ZEB2: variants seen among roughly 807,000 people sequenced by gnomAD.
ZEB2 encodes zinc finger E-box-binding homeobox 2.
Under a neutral mutation model 99.9 loss-of-function variants are expected in ZEB2, and 6 were observed. The observed-to-expected ratio is 0.06, with a 90% CI of 0.03 to 0.12. ZEB2 has a LOEUF of 0.12. ZEB2 is among the 10% of genes least tolerant of loss of function. ZEB2 has a pLI of 1.00. For synonymous variants in ZEB2, 517 were observed against 542.5 expected (o/e 0.95, Z 0.65); for missense variants, 969 against 1,502.8 (o/e 0.64, Z 5.87).
At chr2:144,440,536 T>A (rs1470079876) in intron 2 of ZEB2, among the ~76,000 whole-genome samples, 26 of 131,756 alleles carry the variant, frequency 2.0e-4, no homozygotes, top group African/African-American at 7.8e-4. Flanking sequence ...TTTTTTTTTT[T>A]TTTTTTAACT....
intron 2 of ZEB2, among the ~76,000 whole-genome samples, chr2:144,483,150 A>ACACACACACACACACACACATGCG (rs1553968387): frequency 2.7e-5 from 4 of 149,654 alleles, no homozygotes; most frequent in East Asian, 2.0e-4. Flanking sequence ...ACACACACAC[A>ACACACACACACACACACACATGCG]CACACACACA....
chr2:144,469,050 T>C (rs543933071), intron 2 of ZEB2, among the ~76,000 whole-genome samples: 1 of 152,256 alleles, frequency 6.6e-6, no homozygotes, highest in East Asian at 1.9e-4. Flanking sequence ...CACTAATCTG[T>C]AAGGCTCTGT....
chr2:144,432,537 C>T lies in ZEB2; in HGVS notation c.74-2511G>A, dbSNP rs78260413. Reference sequence around the variant, plus strand: ...CATCTGACAATCAAAATTAAATGCACTGAGATGGACTTTGCACTTCCTGAT... The same window carrying T: ...CATCTGACAATCAAAATTAAATGCATTGAGATGGACTTTGCACTTCCTGAT... On this transcript the variant is annotated intron_variant, in intron 2 of 9. Coordinates refer to ENST00000627532, the MANE Select transcript of ZEB2 (RefSeq NM_014795.4). Among the ~76,000 whole-genome samples the T allele has an allele frequency of 7.9e-3, 1,198 of 152,224 alleles. 15 individuals carry two copies. The highest frequency in any genetic ancestry group is 0.027 in the African/African-American group (1,121 of 41,548).
At chr2:144,405,460 A>G in intron 4 of ZEB2, 1 of 216,426 alleles carries the variant, frequency 4.6e-6, no homozygotes, top group Admixed American at 5.4e-5. Flanking sequence ...TGTCCACTAG[A>G]CTGAGCGTCC....
chr2:144,491,981 C>T (rs1704687341), intron 2 of ZEB2, among the ~76,000 whole-genome samples: 1 of 152,202 alleles, frequency 6.6e-6, no homozygotes, highest in African/African-American at 2.4e-5. Flanking sequence ...TTAATCAACT[C>T]TATTAACTAA....
chr2:144,518,267 C>T (rs1328922829), intron 1 of ZEB2: 1 of 151,996 alleles, frequency 6.6e-6, no homozygotes, highest in Non-Finnish European at 1.5e-5. Context: ...ATGATCGTAT[C>T]CTTTCTGGCT....
chr2:144,491,376 G>T (rs1364527360), intron 2 of ZEB2, among the ~76,000 whole-genome samples: 1 of 141,522 alleles, frequency 7.1e-6, no homozygotes, highest in East Asian at 2.1e-4. Context: ...AAAAAAAAAC[G>T]ACCTAATACT....
chr2:144,399,862 C>A lies in ZEB2; in HGVS notation c.1325G>T (p.Gly442Val). 6.2e-7 allele frequency: 1 copy of A among 1,614,156 alleles called. No individual in the cohort carries two copies. Among genetic ancestry groups the A allele is most frequent in the Non-Finnish European group, 8.5e-7 (1 of 1,180,030 alleles). ...AQSPMQHLGV[G>V]MEAPLLGFPT... ...AAACCCAAGTAAAGGGGCTTCCATC[C>A]CTACACCTAAGTGCTGCATTGGACT... Residue 442 changes from glycine to valine, a missense_variant, in exon 8 of 10, where the codon GGG becomes GTG. Transcript: ENST00000627532. The surrounding 1 kb of genome is among the most constrained non-coding windows in gnomAD (Gnocchi z 5.6).
chr2:144,443,688 C>T (rs1421911784), intron 2 of ZEB2, among the ~76,000 whole-genome samples: 1 of 151,970 alleles, frequency 6.6e-6, no homozygotes. Context: ...TAATACAATA[C>T]CTAATTAAAA....
chr2:144,486,256 A>G (rs998460056), intron 2 of ZEB2, among the ~76,000 whole-genome samples: 1 of 152,196 alleles, frequency 6.6e-6, no homozygotes, highest in African/African-American at 2.4e-5. Context: ...TCTTCTGACT[A>G]AATTTTTCAC....
rs550751571 is a variant in ZEB2 at position 144,410,735 on chromosome 2, G to A, written c.404-5711C>T. On this transcript the variant is annotated intron_variant, in intron 4 of 9. Coordinates refer to ENST00000627532, the MANE Select transcript of ZEB2 (RefSeq NM_014795.4). ...TCTATTATCACTGGTTTAGTGTCCT[G>A]CATGCTTTTAATTTTCATAAAAAAT... 5.3e-5 allele frequency among the ~76,000 whole-genome samples: 8 copies of A among 152,050 alleles called. No homozygotes were observed. In the South Asian group the frequency reaches 1.7e-3, roughly 32 times the overall value.
At chr2:144,397,320 G>A (rs1006610892) in intron 8 of ZEB2, among the ~76,000 whole-genome samples, 2 of 152,174 alleles carry the variant, frequency 1.3e-5, no homozygotes, top group Non-Finnish European at 2.9e-5. Context: ...ATTAATATTA[G>A]AGAAGATTAA....
intron 2 of ZEB2, among the ~76,000 whole-genome samples, chr2:144,467,659 A>G (rs575092796): frequency 6.6e-6 from 1 of 152,270 alleles, no homozygotes; most frequent in East Asian, 1.9e-4. Flanking sequence ...GAGCCATCTG[A>G]CCACCATATG....
intron 2 of ZEB2, among the ~76,000 whole-genome samples, chr2:144,447,208 T>C (rs72858481): frequency 0.018 from 2,760 of 152,254 alleles, 28 homozygotes; most frequent in Non-Finnish European, 0.029. Context: ...ACTTGGTCGG[T>C]AATAGCCTTT....
chr2:144,469,616 TG>T (rs1704327706), intron 2 of ZEB2, among the ~76,000 whole-genome samples: 1 of 152,210 alleles, frequency 6.6e-6, no homozygotes, highest in Non-Finnish European at 1.5e-5. Context: ...ACCATCAGGC[TG>T]CTTTAGTCCT....
intron 2 of ZEB2, among the ~76,000 whole-genome samples, chr2:144,509,638 G>A (rs1376764549): frequency 6.6e-6 from 1 of 152,062 alleles, no homozygotes; most frequent in Non-Finnish European, 1.5e-5. Context: ...TGTGGTGCAT[G>A]TGTGTGAGCG....
chr2:144,465,993 C>T (rs1202153999), intron 2 of ZEB2, among the ~76,000 whole-genome samples: 2 of 152,164 alleles, frequency 1.3e-5, no homozygotes, highest in African/African-American at 4.8e-5. Context: ...CAGGGCAGAA[C>T]TTTCCAGTCA....
At chr2:144,430,951 C>T (rs1056044070) in intron 2 of ZEB2, 11 of 152,076 alleles carry the variant, frequency 7.2e-5, no homozygotes, top group Non-Finnish European at 1.2e-4. Context: ...GTAATAAACA[C>T]GGGGCATTAG....
Position 144,388,930 on chromosome 2 carries a change from T to A in ZEB2, c.*521A>T. ...TGAGGCCTAAAATTGTGTGGTTACT[T>A]AAGCTGAAAAAAAAAATGGGAAATT... On this transcript the variant is annotated 3_prime_UTR_variant, in exon 10 of 10. Transcript: ENST00000627532. The surrounding 1 kb of genome is among the most constrained non-coding windows in gnomAD (Gnocchi z 5.4). The A allele has an allele frequency of 2.2e-6, 1 of 445,908 alleles. No homozygotes were observed. Among genetic ancestry groups the A allele is most frequent in the Admixed American group, 2.6e-5 (1 of 38,214 alleles). 27.6% of individuals were successfully genotyped at this position (445,908 alleles called of 1,614,324 possible).
Sources: allele counts gnomAD v4.1 joint callset (sites outside exome capture counted in the v4.1 genomes callset), GRCh38; gene constraint gnomAD v4.1.1; non-coding constraint Gnocchi (gnomAD v3.1); transcripts MANE v1.5; gene names NCBI Gene and HGNC (gene_info 2026-07-23, HGNC 2026-07-21).